Variants in CALD1 observed in about 807,000 individuals in gnomAD.
CALD1 encodes caldesmon.
CALD1 carries 33 observed loss-of-function variants against 99.9 expected under a neutral mutation model. The ratio of observed to expected loss-of-function variants is 0.33; its 90% CI spans 0.25 to 0.44. CALD1 has a LOEUF of 0.44. Among genes scored for constraint, CALD1 ranks in the 20% least tolerant of loss-of-function variants. The pLI is 1.00. For missense variants in CALD1, 861 were observed against 962.1 expected, an observed-to-expected ratio of 0.89 and a Z score of 1.39; for synonymous variants, 310 against 325.0, an observed-to-expected ratio of 0.95 and a Z score of 0.50.
intron 4 of CALD1, among the ~76,000 whole-genome samples, chr7:134,929,578 C>G (rs2132916735): frequency 1.3e-5 from 1 of 76,328 alleles, no homozygotes; most frequent in South Asian, 4.7e-4. Context: ...TTATTGTGTT[C>G]CTTTTTATGG....
intron 9 of CALD1, among the ~76,000 whole-genome samples, chr7:134,956,977 A>T (rs1433267713): frequency 2.0e-5 from 3 of 152,066 alleles, no homozygotes; most frequent in Non-Finnish European, 4.4e-5. Context: ...CTTCAGTTGT[A>T]GCAAAAAAGT....
intron 1 of CALD1, among the ~76,000 whole-genome samples, chr7:134,842,419 GTTATTA>G (rs1015110938): frequency 6.6e-6 from 1 of 152,110 alleles, no homozygotes; most frequent in Non-Finnish European, 1.5e-5. Context: ...ACAAACAATA[GTTATTA>G]TTATTATTTC....
At chr7:134,816,587 T>C (rs1232254582) in intron 1 of CALD1, among the ~76,000 whole-genome samples, 1 of 152,174 alleles carries the variant, frequency 6.6e-6, no homozygotes, top group Non-Finnish European at 1.5e-5. Flanking sequence ...CAGTAGACTG[T>C]TTTGTATATG....
At chr7:134,922,681 G>T (rs958464641) in intron 3 of CALD1, among the ~76,000 whole-genome samples, 2 of 152,120 alleles carry the variant, frequency 1.3e-5, no homozygotes, top group Non-Finnish European at 2.9e-5. Context: ...AGTTCTTCTG[G>T]CTCTCGTCTG....
intron 3 of CALD1, chr7:134,928,101 T>C (rs536467028): frequency 2.2e-4 from 71 of 322,420 alleles, no homozygotes; most frequent in African/African-American, 1.4e-3. Flanking sequence ...GTAAGCATTT[T>C]GTTTATTTTT....
At chr7:134,912,984 G>A (rs921448055) in intron 3 of CALD1, among the ~76,000 whole-genome samples, 9 of 152,158 alleles carry the variant, frequency 5.9e-5, no homozygotes, top group African/African-American at 2.2e-4. Flanking sequence ...ATTAAGCGGG[G>A]CTGAGCGTGG....
At chr7:134,894,998 T>C (rs181078046) in intron 3 of CALD1, among the ~76,000 whole-genome samples, 1 of 152,028 alleles carries the variant, frequency 6.6e-6, no homozygotes, top group Admixed American at 6.6e-5. Context: ...CATGGAAGGG[T>C]ATGTAAATTG....
chr7:134,867,499 C>T (rs911539058), intron 2 of CALD1, among the ~76,000 whole-genome samples, 194 bp from the exon 3 acceptor site: 3 of 152,164 alleles, frequency 2.0e-5, no homozygotes, highest in Non-Finnish European at 4.4e-5. Flanking sequence ...ACTTATTTGT[C>T]TCTAGGAGAT....
chr7:134,904,673 C>T (rs567428433), intron 3 of CALD1, among the ~76,000 whole-genome samples: 1 of 152,166 alleles, frequency 6.6e-6, no homozygotes, highest in Admixed American at 6.5e-5. Context: ...CTGTATAAAA[C>T]CATTGGGTCT....
At chr7:134,962,474 AG>A (rs1347199577) in intron 13 of CALD1, 1 of 182,878 alleles carries the variant, frequency 5.5e-6, no homozygotes, top group Non-Finnish European at 1.2e-5. Context: ...TAGAGGGTGA[AG>A]AAAAGGAAAG....
chr7:134,907,637 A>G (rs1803491217), intron 3 of CALD1, among the ~76,000 whole-genome samples: 3 of 152,176 alleles, frequency 2.0e-5, no homozygotes, highest in African/African-American at 7.2e-5. Context: ...TACAAAAAAT[A>G]TTAGGATTGT....
chr7:134,794,244 C>T (rs1014133084), intron 1 of CALD1, among the ~76,000 whole-genome samples: 15 of 152,164 alleles, frequency 9.9e-5, no homozygotes, highest in African/African-American at 2.9e-4. Flanking sequence ...AGCAGCCATG[C>T]CTGTTACTGT....
At chr7:134,925,663 G>A (rs1021739928) in intron 3 of CALD1, among the ~76,000 whole-genome samples, 14 of 152,084 alleles carry the variant, frequency 9.2e-5, no homozygotes, top group African/African-American at 2.9e-4. Context: ...TCACTGTCAC[G>A]AGCACAGCAT....
At chr7:134,765,184 G>A (rs1796814474) in intron 1 of CALD1, among the ~76,000 whole-genome samples, 1 of 151,938 alleles carries the variant, frequency 6.6e-6, no homozygotes, top group Non-Finnish European at 1.5e-5. Flanking sequence ...GTGTGGTGGT[G>A]CACGCCTGTA....
At chr7:134,870,946 G>A (rs984019278) in intron 3 of CALD1, among the ~76,000 whole-genome samples, 1 of 152,182 alleles carries the variant, frequency 6.6e-6, no homozygotes, top group African/African-American at 2.4e-5. Flanking sequence ...GCCAGCTCTG[G>A]TGGGAAAGTG....
At chr7:134,917,414 T>C (rs1804292029) in intron 3 of CALD1, among the ~76,000 whole-genome samples, 1 of 152,160 alleles carries the variant, frequency 6.6e-6, no homozygotes, top group Admixed American at 6.5e-5. Flanking sequence ...AATGGCGTGG[T>C]CTCAGCTTAC....
upstream of CALD1, among the ~76,000 whole-genome samples, chr7:134,777,244 T>G (rs1318332017): frequency 6.6e-6 from 1 of 152,168 alleles, no homozygotes; most frequent in African/African-American, 2.4e-5. Flanking sequence ...TGGTACACAC[T>G]ACATGAAATT....
At chr7:134,726,395 ATAT>A in the CALD1 span, among the ~76,000 whole-genome samples, 1 of 131,730 alleles carries the variant, frequency 7.6e-6, no homozygotes, top group Non-Finnish European at 1.6e-5. Flanking sequence ...ATCTTTTTAT[ATAT>A]TATATTATAT....
At chr7:134,932,952 C>A (rs755648979) in intron 4 of CALD1, 36 bp from the exon 5 acceptor site, 7 of 1,428,362 alleles carry the variant, frequency 4.9e-6, no homozygotes, top group Non-Finnish European at 5.8e-6. Context: ...GATGAATGAG[C>A]AAGCTGTCTT....
Sources: gnomAD v4.1 joint callset for allele counts (sites outside exome capture counted in the v4.1 genomes callset) on GRCh38, gnomAD v4.1.1 for gene constraint, MANE v1.5 for transcripts, NCBI Gene and HGNC (gene_info 2026-07-23, HGNC 2026-07-21) for gene names.